The following MAX variants were observed in gnomAD, a reference collection of about 807,000 sequenced individuals.
MAX encodes MYC associated transcriptional regulator X, also known as protein max.
A neutral mutation model predicts 22.3 loss-of-function variants in MAX; 3 were observed. That is an observed-to-expected ratio of 0.13 (90% CI 0.06 to 0.35). The LOEUF (loss-of-function observed/expected upper bound fraction) is 0.35, where lower values mean the gene tolerates loss of function less well. Among genes scored for constraint, MAX ranks in the 10% least tolerant of loss-of-function variants. MAX has a pLI of 1.00. For missense variants in MAX, 119 were observed against 209.4 expected, an observed-to-expected ratio of 0.57 and a Z score of 2.66; for synonymous variants, 72 against 77.7, an observed-to-expected ratio of 0.93 and a Z score of 0.39.
At chr14:65,060,707 A>G (rs1442004537) in intron 3 of MAX, among the ~76,000 whole-genome samples, 1 of 94,124 alleles carries the variant, frequency 1.1e-5, no homozygotes, top group East Asian at 3.6e-4. Flanking sequence ...CAAAAAAAAA[A>G]AAAAAAAATA....
chr14:65,076,521 A>C lies in MAX; in HGVS notation c.438T>G (p.Pro146=), dbSNP rs1259526031. 6.2e-7 allele frequency: 1 copy of C among 1,614,050 alleles called. No individual in the cohort carries two copies. Among genetic ancestry groups the C allele is most frequent in the South Asian group, 1.1e-5 (1 of 91,070 alleles). ...GCTTCTTCCTGCTTTGGGGCTCTTCAGGCTCAGACTCCGAGCTGGAGTCCG... is the reference window on the plus strand; with the variant it reads ...GCTTCTTCCTGCTTTGGGGCTCTTCCGGCTCAGACTCCGAGCTGGAGTCCG... ...GGSDSSSESE[P]EEPQSRKKLR... is the part of the protein sequence containing the mutation. The change falls in exon 5 of 5, where the codon CCT becomes CCG. Residue 146 remains proline, a synonymous_variant. Transcript: ENST00000358664. The surrounding 1 kb of genome is among the most constrained non-coding windows in gnomAD (Gnocchi z 6.6).
Position 65,015,663 on chromosome 14 carries a change from C to T in MAX, c.172-9379G>A, listed in dbSNP as rs748991269. On this transcript the variant is annotated intron_variant, in intron 3 of 3. Coordinates refer to the MAX transcript ENST00000341653. Reference sequence around the variant, plus strand: ...GCCGCCCATGGCTCTGCTATTGGATCCTGCACAGCTTGGAACTGCTAGATG... The same window carrying T: ...GCCGCCCATGGCTCTGCTATTGGATTCTGCACAGCTTGGAACTGCTAGATG... 6.2e-6 allele frequency: 10 copies of T among 1,614,012 alleles called. No homozygotes were observed. The South Asian group carries it at 9.9e-5, about 16-fold the overall frequency.
intron 3 of MAX, among the ~76,000 whole-genome samples, chr14:65,039,423 T>G (rs1049488934): frequency 7.2e-5 from 11 of 152,228 alleles, no homozygotes; most frequent in Non-Finnish European, 1.6e-4. Flanking sequence ...CCTCTGAAAC[T>G]TCCCATCTTC....
intron 3 of MAX, among the ~76,000 whole-genome samples, chr14:65,063,121 C>T (rs2062894231): frequency 3.9e-5 from 6 of 152,220 alleles, no homozygotes. Context: ...TGTGGCCTGA[C>T]CCTCTTGGAG....
At chr14:65,015,656 A>G (rs992136838) in intron 3 of MAX, 5 of 1,613,938 alleles carry the variant, frequency 3.1e-6, no homozygotes, top group African/African-American at 1.3e-5. Flanking sequence ...TGGCTCTGCT[A>G]TTGGATCCTG....
In MAX at chr14:65,027,357, G is replaced by T; in HGVS notation, c.172-21073C>A. ...GGTTCCCCTCAACTTTTGAGGGAGT[G>T]GGGGATCATTGGAAAGGCCTGGAAT... is the stretch of plus-strand genomic sequence containing the variant. On this transcript the variant is annotated intron_variant, in intron 3 of 3. Coordinates refer to the MAX transcript ENST00000341653. This position sits in a 1 kb window ranked among gnomAD's most constrained non-coding sequence, Gnocchi z 5.7. The T allele has an allele frequency of 1.3e-6, 2 of 1,557,764 alleles. No homozygotes were observed. The highest frequency in any genetic ancestry group is 1.7e-6 in the Non-Finnish European group (2 of 1,151,288).
At chr14:65,015,784 G>C in intron 3 of MAX, 1 of 1,564,880 alleles carries the variant, frequency 6.4e-7, no homozygotes, top group Non-Finnish European at 8.8e-7. Flanking sequence ...ATTTTGTTTT[G>C]TTTCTGTTTT....
Position 65,044,699 on chromosome 14 carries a change from C to T in MAX, c.172-38415G>A, listed in dbSNP as rs769725887. 1.5e-5 allele frequency: 8 copies of T among 529,364 alleles called. No homozygotes were observed. The highest frequency in any genetic ancestry group is 4.1e-5 in the East Asian group (1 of 24,310). The allele number at this position is 529,364 out of a possible 1,614,324, so 32.8% of individuals were successfully genotyped here. On this transcript the variant is annotated intron_variant, in intron 3 of 3. Transcript: ENST00000341653. The surrounding 1 kb of genome is among the most constrained non-coding windows in gnomAD (Gnocchi z 5.5). ...GCTTCCTTGAAATTGCTACGGGGAG[C>T]GGGGAGGAAGTGGGCGCTGCTTCTG...
intron 3 of MAX, chr14:65,090,748 ACCTG>A (rs2063482811): frequency 1.3e-5 from 2 of 152,254 alleles, no homozygotes. Context: ...CAAGCGATCC[ACCTG>A]CCTGTCTCCC....
chr14:65,094,010 C>T (rs981047939), intron 2 of MAX, 195 bp from the exon 3 acceptor site: 9 of 633,262 alleles, frequency 1.4e-5, no homozygotes, highest in Non-Finnish European at 2.0e-5. Context: ...GTGAGCAACG[C>T]TTGCGACAGG....
At chr14:65,057,900 T>C (rs1316165826) in intron 3 of MAX, among the ~76,000 whole-genome samples, 1 of 152,218 alleles carries the variant, frequency 6.6e-6, no homozygotes, top group Non-Finnish European at 1.5e-5. Flanking sequence ...TCTTATTTTG[T>C]TCCTTTGGTC....
At chr14:65,056,428 C>T (rs1434666156) in intron 3 of MAX, among the ~76,000 whole-genome samples, 1 of 152,168 alleles carries the variant, frequency 6.6e-6, no homozygotes, top group Non-Finnish European at 1.5e-5. Flanking sequence ...GAAGGGGACA[C>T]ATATTGTCAT....
Position 65,077,561 on chromosome 14 carries a change from A to C in MAX, c.295+352T>G, listed in dbSNP as rs1453847286. 1.1e-6 allele frequency: 1 copy of C among 921,946 alleles called. No individual in the cohort carries two copies. The highest frequency in any genetic ancestry group is 2.4e-5 in the East Asian group (1 of 41,482). The allele number at this position is 921,946 out of a possible 1,614,324, so 57.1% of individuals were successfully genotyped here. On this transcript the variant is annotated intron_variant, in intron 4 of 4. Transcript: ENST00000358664. The surrounding 1 kb of genome is among the most constrained non-coding windows in gnomAD (Gnocchi z 6.3). ...TGAACACCTGGAGTCTCTGGTACTT[A>C]CACAGCACATTCCACTCCAAGGACC...
At chr14:65,067,734 T>C (rs979971782) in intron 3 of MAX, among the ~76,000 whole-genome samples, 3 of 151,676 alleles carry the variant, frequency 2.0e-5, no homozygotes, top group African/African-American at 7.3e-5. Context: ...GCAATCCTCC[T>C]GGTCAGCTTC....
rs879845454 is a variant in MAX, at chr14:65,035,832, CT to C, written c.172-29549del. On this transcript the variant is annotated intron_variant, in intron 3 of 3. Coordinates refer to the MAX transcript ENST00000341653. ...TACAGGCATGAGCCACTGCGCCCAG[CT>C]TTTTTTTTTTTTCTTTGAAGACACG... is the stretch of plus-strand genomic sequence containing the variant. Among the ~76,000 whole-genome samples the C allele has an allele frequency of 5.9e-3, 855 of 144,262 alleles. 4 individuals carry two copies. The highest frequency in any genetic ancestry group is 7.3e-3 in the Non-Finnish European group (476 of 65,516). The allele number at this position is 144,262 out of a possible 152,430, so 94.6% of individuals were successfully genotyped here. A position where few individuals can be genotyped will look rare whatever the true frequency, so the allele number is the denominator to read the frequency against.
In MAX at chr14:65,077,563, A is replaced by C. The variant is rs757443702; in HGVS notation, c.295+350T>G. ...AACACCTGGAGTCTCTGGTACTTAC[A>C]CAGCACATTCCACTCCAAGGACCTC... is the stretch of plus-strand genomic sequence containing the variant. On this transcript the variant is annotated intron_variant, in intron 4 of 4. Transcript: ENST00000358664. This position sits in a 1 kb window ranked among gnomAD's most constrained non-coding sequence, Gnocchi z 6.3. 1 of 922,412 alleles carries C rather than the reference A, an allele frequency of 1.1e-6. No individual in the cohort carries two copies. Among genetic ancestry groups the C allele is most frequent in the South Asian group, 1.3e-5 (1 of 75,252 alleles). The allele number at this position is 922,412 out of a possible 1,614,324, so 57.1% of individuals were successfully genotyped here.
At chr14:65,067,273 C>T (rs1258698083) in intron 3 of MAX, among the ~76,000 whole-genome samples, 1 of 152,098 alleles carries the variant, frequency 6.6e-6, no homozygotes, top group African/African-American at 2.4e-5. Flanking sequence ...CACAGAGTTC[C>T]CACAGACCCA....
Position 65,012,919 on chromosome 14 carries a change from T to C in MAX, c.172-6635A>G, listed in dbSNP as rs2061706558. 2.0e-5 allele frequency among the ~76,000 whole-genome samples: 3 copies of C among 152,194 alleles called. No homozygotes were observed. ...TTCTATACTGACTAGAGGACCAGTATAGAGAGTGGTCCTTGCAATTTAACA... is the reference window on the plus strand; with the variant it reads ...TTCTATACTGACTAGAGGACCAGTACAGAGAGTGGTCCTTGCAATTTAACA... On this transcript the variant is annotated intron_variant, in intron 3 of 3. Transcript: ENST00000341653. This position sits in a 1 kb window ranked among gnomAD's most constrained non-coding sequence, Gnocchi z 5.0.
intron 3 of MAX, chr14:65,015,399 A>C (rs1595024048): frequency 2.5e-6 from 1 of 399,598 alleles, no homozygotes; most frequent in Admixed American, 4.0e-5. Flanking sequence ...CACCGCGCCC[A>C]GCCTTGTTAT....
Sources: gnomAD v4.1 joint callset for allele counts (sites outside exome capture counted in the v4.1 genomes callset) on GRCh38, gnomAD v4.1.1 for gene constraint, Gnocchi (gnomAD v3.1) non-coding constraint, MANE v1.5 for transcripts, NCBI Gene and HGNC (gene_info 2026-07-23, HGNC 2026-07-21) for gene names.